The following ARHGAP6 variants were observed in gnomAD, a reference collection of about 807,000 sequenced individuals.
The protein encoded by ARHGAP6 is Rho GTPase activating protein 6, also known as rho GTPase-activating protein 6.
Under a neutral mutation model 55.7 loss-of-function variants are expected in ARHGAP6, and 16 were observed. That is an observed-to-expected ratio of 0.29 (90% confidence interval 0.19 to 0.44). ARHGAP6 has a LOEUF of 0.44. Ranked by LOEUF, ARHGAP6 falls within the 20% of genes least tolerant of loss-of-function variation. ARHGAP6 has a pLI of 1.00. For synonymous variants in ARHGAP6, 382 were observed against 360.9 expected (o/e 1.06, Z -0.66); for missense variants, 698 against 808.9 (o/e 0.86, Z 1.66).
chrX:11,328,005 C>T (rs963930116), intron 1 of ARHGAP6, among the ~76,000 whole-genome samples: 1 of 112,258 alleles, frequency 8.9e-6, no homozygotes, highest in East Asian at 2.8e-4. Flanking sequence ...ATTTAGTCAG[C>T]ATCTGGCCTG....
intron 1 of ARHGAP6, among the ~76,000 whole-genome samples, chrX:11,551,443 G>T (rs994849526): frequency 9.0e-6 from 1 of 111,017 alleles, no homozygotes; most frequent in South Asian, 3.8e-4. Context: ...ATAAACCAGA[G>T]AACCCATTAT....
chrX:11,153,174 G>A (rs1388837002), intron 10 of ARHGAP6, among the ~76,000 whole-genome samples: 2 of 111,674 alleles, frequency 1.8e-5, no homozygotes, highest in African/African-American at 6.5e-5. Flanking sequence ...ACCTCCCCGA[G>A]TCCTACTGAT....
intron 1 of ARHGAP6, among the ~76,000 whole-genome samples, chrX:11,486,730 T>A (rs774424134): frequency 1.8e-5 from 2 of 111,447 alleles, no homozygotes; most frequent in African/African-American, 6.5e-5. Context: ...CAAGCCCAAG[T>A]GGCATGAAGA....
intron 1 of ARHGAP6, among the ~76,000 whole-genome samples, chrX:11,268,938 C>T (rs2047661120): frequency 9.0e-6 from 1 of 111,224 alleles, no homozygotes; most frequent in East Asian, 2.8e-4. Flanking sequence ...GAAGAGACCA[C>T]GTGGAGAGGC....
At chrX:11,466,024 G>A (rs949363468) in intron 1 of ARHGAP6, among the ~76,000 whole-genome samples, 16 of 110,055 alleles carry the variant, frequency 1.5e-4, no homozygotes, top group African/African-American at 5.0e-4. Context: ...CCCATCTTCC[G>A]AGGCCCAGTT....
At chrX:11,337,060 C>T (rs1301866328) in intron 1 of ARHGAP6, among the ~76,000 whole-genome samples, 2 of 110,650 alleles carry the variant, frequency 1.8e-5, no homozygotes, top group African/African-American at 6.6e-5. Flanking sequence ...TCCCCAGGCT[C>T]TTTAATGGGT....
At chrX:11,551,900 G>C (rs1320083180) in intron 1 of ARHGAP6, among the ~76,000 whole-genome samples, 1 of 111,897 alleles carries the variant, frequency 8.9e-6, no homozygotes, top group East Asian at 2.8e-4. Context: ...CTTGATCTAA[G>C]ACTTCTAACC....
chrX:11,300,759 T>G (rs1264496428), intron 1 of ARHGAP6: 6 of 545,309 alleles, frequency 1.1e-5, no homozygotes, highest in Non-Finnish European at 1.9e-5. Flanking sequence ...GCATTAAAAA[T>G]CATTCATGTC....
At chrX:11,468,432 G>A (rs760843999) in intron 1 of ARHGAP6, among the ~76,000 whole-genome samples, 20 of 111,514 alleles carry the variant, frequency 1.8e-4, no homozygotes, top group African/African-American at 5.9e-4. Flanking sequence ...CTCTTTCATC[G>A]GCTTTTTCTC....
intron 1 of ARHGAP6, among the ~76,000 whole-genome samples, chrX:11,604,182 A>C (rs1360066249): frequency 9.0e-6 from 1 of 111,713 alleles, no homozygotes; most frequent in Non-Finnish European, 1.9e-5. Flanking sequence ...CCCCAACACC[A>C]ATTATTGGTG....
chrX:11,420,771 T>C (rs771106310), intron 1 of ARHGAP6, among the ~76,000 whole-genome samples: 8 of 111,578 alleles, frequency 7.2e-5, no homozygotes, highest in Admixed American at 9.5e-5. Context: ...CTCACTTTCA[T>C]ACAGATGCAG....
chrX:11,304,253 C>T (rs1018789316), intron 1 of ARHGAP6, among the ~76,000 whole-genome samples: 5 of 110,383 alleles, frequency 4.5e-5, no homozygotes, highest in Non-Finnish European at 9.5e-5. Context: ...CCACACCCAG[C>T]TAATTTTTGT....
intron 1 of ARHGAP6, among the ~76,000 whole-genome samples, chrX:11,291,245 C>T (rs1227346531): frequency 9.0e-6 from 1 of 111,720 alleles, no homozygotes. Context: ...TTTTAATGTC[C>T]TATGATTCAG....
intron 1 of ARHGAP6, among the ~76,000 whole-genome samples, chrX:11,307,808 T>G (rs1259025916): frequency 6.3e-5 from 7 of 111,878 alleles, no homozygotes; most frequent in African/African-American, 2.3e-4. Context: ...TGAAAAAATG[T>G]TCCCGATAAA....
intron 1 of ARHGAP6, among the ~76,000 whole-genome samples, chrX:11,441,032 C>T (rs918258232): frequency 9.0e-6 from 1 of 111,603 alleles, no homozygotes; most frequent in African/African-American, 3.3e-5. Flanking sequence ...AATCATAATT[C>T]CGACCCTTAG....
At chrX:11,517,093 T>C (rs1189796952) in intron 1 of ARHGAP6, among the ~76,000 whole-genome samples, 1 of 112,301 alleles carries the variant, frequency 8.9e-6, no homozygotes, top group Admixed American at 9.5e-5. Context: ...GAGGCATTGA[T>C]GTAGCTCATG....
intron 1 of ARHGAP6, among the ~76,000 whole-genome samples, chrX:11,495,216 CTT>C (rs1344583352): frequency 9.0e-6 from 1 of 111,566 alleles, no homozygotes; most frequent in African/African-American, 3.3e-5. Flanking sequence ...AGAAGTCTGT[CTT>C]TTAGTAGTTG....
intron 1 of ARHGAP6, among the ~76,000 whole-genome samples, chrX:11,365,432 T>C (rs1021258031): frequency 6.2e-5 from 7 of 112,424 alleles, no homozygotes; most frequent in African/African-American, 2.3e-4. Flanking sequence ...CAGTCATTTC[T>C]CCCTCTTGGT....
chrX:11,358,119 T>C (rs1172826462), intron 1 of ARHGAP6, among the ~76,000 whole-genome samples: 1 of 112,201 alleles, frequency 8.9e-6, no homozygotes, highest in Admixed American at 9.5e-5. Flanking sequence ...GGACATTTCA[T>C]ATATATCCAG....
Sources: allele counts gnomAD v4.1 joint callset (sites outside exome capture counted in the v4.1 genomes callset), GRCh38; gene constraint gnomAD v4.1.1; transcripts MANE v1.5; gene names NCBI Gene and HGNC (gene_info 2026-07-23, HGNC 2026-07-21).